The following DYNC1I1 variants were observed in gnomAD, a reference collection of about 807,000 sequenced individuals.
DYNC1I1 encodes the protein dynein cytoplasmic 1 intermediate chain 1.
DYNC1I1 carries 43 observed loss-of-function variants against 86.6 expected under a neutral mutation model. The observed-to-expected ratio is 0.50, with a 90% CI of 0.39 to 0.64. DYNC1I1 has a LOEUF of 0.64. Ranked by LOEUF, DYNC1I1 falls within the 30% of genes least tolerant of loss-of-function variation. DYNC1I1 has a pLI of 0.00. For missense variants in DYNC1I1, 604 were observed against 788.8 expected, an observed-to-expected ratio of 0.77 and a Z score of 2.81; for synonymous variants, 262 against 283.7, an observed-to-expected ratio of 0.92 and a Z score of 0.77.
chr7:96,090,521 T>TAA (rs11409738), intron 16 of DYNC1I1, among the ~76,000 whole-genome samples: 2,175 of 148,784 alleles, frequency 0.015, 40 homozygotes, highest in African/African-American at 0.051. Flanking sequence ...AGTGTTACTG[T>TAA]AAAAAAAAAA....
At chr7:96,036,020 G>C (rs907599542) in intron 13 of DYNC1I1, among the ~76,000 whole-genome samples, 2 of 152,094 alleles carry the variant, frequency 1.3e-5, no homozygotes, top group Non-Finnish European at 2.9e-5. Flanking sequence ...CAGCATCTCC[G>C]CATACCTTCA....
chr7:95,773,398 C>T (rs1483645279), intron 1 of DYNC1I1, among the ~76,000 whole-genome samples: 1 of 152,184 alleles, frequency 6.6e-6, no homozygotes, highest in Non-Finnish European at 1.5e-5. Flanking sequence ...CCTGGCTCTC[C>T]TTCCCCCGCT....
At chr7:95,894,760 A>G (rs1203793292) in intron 6 of DYNC1I1, among the ~76,000 whole-genome samples, 4 of 152,238 alleles carry the variant, frequency 2.6e-5, no homozygotes, top group Non-Finnish European at 4.4e-5. Flanking sequence ...ACTCTTGGAA[A>G]GCATTTTCTG....
intron 6 of DYNC1I1, among the ~76,000 whole-genome samples, chr7:95,878,522 G>T (rs960022369): frequency 6.6e-6 from 1 of 152,136 alleles, no homozygotes; most frequent in African/African-American, 2.4e-5. Context: ...TTGATAGGGA[G>T]TATGCAGTCT....
intron 1 of DYNC1I1, among the ~76,000 whole-genome samples, chr7:95,780,090 C>T (rs1793947646): frequency 6.6e-6 from 1 of 152,168 alleles, no homozygotes; most frequent in South Asian, 2.1e-4. Flanking sequence ...ACATTGGCTT[C>T]TTTCTGGTAG....
intron 8 of DYNC1I1, 130 bp downstream of exon 8, chr7:95,985,107 C>A: frequency 7.8e-7 from 1 of 1,282,994 alleles, no homozygotes; most frequent in Admixed American, 2.5e-5. Context: ...ATTGATCTTG[C>A]TGAACAGCTT....
intron 6 of DYNC1I1, among the ~76,000 whole-genome samples, chr7:95,937,724 A>C (rs954535275): frequency 3.9e-5 from 6 of 152,026 alleles, no homozygotes; most frequent in African/African-American, 1.4e-4. Context: ...GGTTCCAAAA[A>C]TATTAAAACA....
At chr7:95,821,943 G>A (rs946876425) in intron 4 of DYNC1I1, among the ~76,000 whole-genome samples, 3 of 152,056 alleles carry the variant, frequency 2.0e-5, no homozygotes, top group African/African-American at 7.2e-5. Context: ...CTTTCTTATA[G>A]CCAAAGACTA....
intron 11 of DYNC1I1, among the ~76,000 whole-genome samples, chr7:96,028,967 C>T (rs529815460): frequency 1.6e-4 from 25 of 152,264 alleles, no homozygotes; most frequent in Non-Finnish European, 2.8e-4. Flanking sequence ...AATGAGAAGA[C>T]AGGCGTGTCT....
intron 4 of DYNC1I1, among the ~76,000 whole-genome samples, 177 bp from the exon 5 acceptor site, chr7:95,827,880 G>A (rs1353962369): frequency 1.3e-5 from 2 of 152,094 alleles, no homozygotes; most frequent in Non-Finnish European, 2.9e-5. Context: ...GGAAAGGATG[G>A]CTCCTCGATT....
At chr7:96,014,316 T>A (rs1184828518) in intron 10 of DYNC1I1, among the ~76,000 whole-genome samples, 1 of 152,174 alleles carries the variant, frequency 6.6e-6, no homozygotes, top group African/African-American at 2.4e-5. Context: ...TTCCAGAACG[T>A]GAGTCTCCTG....
intron 10 of DYNC1I1, among the ~76,000 whole-genome samples, chr7:96,020,652 C>A (rs921810657): frequency 3.3e-5 from 5 of 152,150 alleles, no homozygotes; most frequent in African/African-American, 7.2e-5. Flanking sequence ...TTTCCACTTA[C>A]AAGTATGTAC....
intron 14 of DYNC1I1, among the ~76,000 whole-genome samples, chr7:96,067,516 A>G (rs1384909838): frequency 2.6e-5 from 4 of 151,608 alleles, no homozygotes; most frequent in South Asian, 2.1e-4. Context: ...AAGAAACCAC[A>G]AGAATGTAAT....
At chr7:95,821,500 C>T (rs139184477) in intron 4 of DYNC1I1, among the ~76,000 whole-genome samples, 2 of 152,088 alleles carry the variant, frequency 1.3e-5, no homozygotes, top group Non-Finnish European at 1.5e-5. Context: ...CTGCCAAAAA[C>T]ACAGTGAGAG....
At chr7:95,945,144 T>A (rs980948651) in intron 6 of DYNC1I1, among the ~76,000 whole-genome samples, 3 of 152,002 alleles carry the variant, frequency 2.0e-5, no homozygotes, top group African/African-American at 7.2e-5. Context: ...ATCAGATGCA[T>A]TTATGGTAGT....
At chr7:95,984,028 TG>T (rs529925774) in intron 7 of DYNC1I1, among the ~76,000 whole-genome samples, 3 of 152,212 alleles carry the variant, frequency 2.0e-5, no homozygotes, top group Non-Finnish European at 2.9e-5. Flanking sequence ...ATTGAAGGAA[TG>T]GTTTATGTAA....
intron 1 of DYNC1I1, among the ~76,000 whole-genome samples, chr7:95,786,668 T>C (rs571721050): frequency 4.6e-5 from 7 of 152,278 alleles, no homozygotes; most frequent in African/African-American, 1.7e-4. Context: ...TTTTGGTTGA[T>C]TAGTGTGCTT....
intron 4 of DYNC1I1, among the ~76,000 whole-genome samples, chr7:95,827,049 G>A (rs945393452): frequency 2.6e-5 from 4 of 152,178 alleles, no homozygotes; most frequent in African/African-American, 4.8e-5. Context: ...GGGGTGGGAC[G>A]TGAGTTTCTG....
chr7:95,777,707 G>A (rs536367674), intron 1 of DYNC1I1, among the ~76,000 whole-genome samples: 10 of 152,174 alleles, frequency 6.6e-5, no homozygotes, highest in African/African-American at 1.9e-4. Context: ...CAGAAATTTC[G>A]GTCAGAGTTG....
Sources: gnomAD v4.1 joint callset for allele counts (sites outside exome capture counted in the v4.1 genomes callset) on GRCh38, gnomAD v4.1.1 for gene constraint, MANE v1.5 for transcripts, NCBI Gene and HGNC (gene_info 2026-07-23, HGNC 2026-07-21) for gene names.